BUD23: variants seen among roughly 807,000 people sequenced by gnomAD.
The protein encoded by BUD23 is BUD23 rRNA methyltransferase and ribosome maturation factor.
In BUD23, 34 loss-of-function variants were observed where a neutral mutation model predicts 47.0. That is an observed-to-expected ratio of 0.72 (90% CI 0.55 to 0.96). BUD23 has a LOEUF of 0.96. Ranked by LOEUF, BUD23 falls within the 40% of genes least tolerant of loss-of-function variation. The pLI is 0.00. For synonymous variants in BUD23, 124 were observed against 132.0 expected (o/e 0.94, Z 0.41); for missense variants, 343 against 361.2 (o/e 0.95, Z 0.41).
At position 73,684,923 on chromosome 7, in the gene BUD23, CAAAAAAAAAAAAAAA is replaced by C. The variant is rs56229090; in HGVS notation, c.86+1141_86+1155del. ...TGGGCGACAGAGCAAGACTTTGTTT[CAAAAAAAAAAAAAAA>C]AAAAAAAAAAAAAAAAAAAAAGATA... On this transcript the variant is annotated intron_variant, in intron 2 of 11. Coordinates refer to ENST00000265758, the MANE Select transcript of BUD23 (RefSeq NM_017528.5). Among the ~76,000 whole-genome samples, 94 of 49,136 alleles carry C rather than the reference CAAAAAAAAAAAAAAA, an allele frequency of 1.9e-3. 2 individuals are homozygous for C. Among genetic ancestry groups the C allele is most frequent in the South Asian group, 7.5e-3 (8 of 1,072 alleles). The allele number at this position is 49,136 out of a possible 152,430, so 32.2% of individuals were successfully genotyped here.
Position 73,683,754 on chromosome 7 carries a change from C to A in BUD23, c.49-13C>A, listed in dbSNP as rs1797818512. The A allele has an allele frequency of 2.5e-6, 4 of 1,614,230 alleles. No individual in the cohort carries two copies. On this transcript the variant is annotated splice_polypyrimidine_tract_variant and intron_variant, in intron 1 of 11. Coordinates refer to ENST00000265758, the MANE Select transcript of BUD23 (RefSeq NM_017528.5). ...GAATTATTCCTCTACATGCCATTTT[C>A]TCTTTTTCGCAGTTTTATGACGAGA...
At position 73,683,652 on chromosome 7, in the gene BUD23, G is replaced by T; in HGVS notation, c.27G>T (p.Glu9Asp). MASRGRRP[E>D]HGGPPELFYD... ...TGGCGTCCCGCGGCCGGCGTCCGGA[G>T]CATGGCGGACCCCCAGAGCTGGTAA... The change falls in exon 1 of 12, where the codon GAG becomes GAT. Residue 9 changes from glutamate (E) to aspartate (D), a missense_variant. Glu to Asp is a conservative substitution (Grantham distance 45). Transcript: ENST00000265758. 1.2e-6 allele frequency: 2 copies of T among 1,612,888 alleles called. No individual in the cohort carries two copies. The highest frequency in any genetic ancestry group is 2.2e-5 in the South Asian group (2 of 91,048).
rs1195540508 is a variant in BUD23, at chr7:73,692,608, C to T, written c.472C>T (p.Arg158Ter). 10 of 1,613,548 alleles carry T rather than the reference C, an allele frequency of 6.2e-6. No homozygotes were observed. The highest frequency in any genetic ancestry group is 2.2e-5 in the South Asian group (2 of 91,066). ...CTGTTTCTTTCAGGTCCGGGGATCC[C>T]GAGCTGTCCTGCAGCTGTACCCTGA... ...SLFSVLVRGS[R>*]AVLQLYPENS... The change falls in exon 7 of 12, where the codon CGA (arginine) becomes TGA (stop). Residue 158 changes from arginine to a stop codon, truncating the protein, a stop_gained. Coordinates refer to ENST00000265758, the MANE Select transcript of BUD23 (RefSeq NM_017528.5). LOFTEE classifies it high-confidence loss of function.
At chr7:73,685,498 C>T (rs1797929043) in intron 2 of BUD23, among the ~76,000 whole-genome samples, 2 of 152,178 alleles carry the variant, frequency 1.3e-5, no homozygotes, top group Non-Finnish European at 1.5e-5. Flanking sequence ...TCGCCCAGGC[C>T]GAAGTGCTGC....
At chr7:73,693,184 T>C in intron 7 of BUD23, 145 bp from the exon 8 acceptor site, 1 of 735,088 alleles carries the variant, frequency 1.4e-6, no homozygotes, top group Non-Finnish European at 2.4e-6. Flanking sequence ...AGCCTGTACT[T>C]TTCTCTACGT....
At position 73,697,340 on chromosome 7, in the gene BUD23, G is replaced by A. The variant is rs1368419129; in HGVS notation, c.702-265G>A. 9.6e-6 allele frequency: 11 copies of A among 1,143,082 alleles called. No homozygotes were observed. In the Admixed American group the frequency reaches 1.5e-4, roughly 16 times the overall value. 70.8% of individuals were successfully genotyped at this position (1,143,082 alleles called of 1,614,324 possible). On this transcript the variant is annotated intron_variant, in intron 10 of 11. Coordinates refer to ENST00000265758, the MANE Select transcript of BUD23 (RefSeq NM_017528.5). Reference sequence around the variant, plus strand: ...CTGCTTCCCGAAGAGGGAACAGACTGCTCGCTGGTGTTTAGGTCTCCATGC... The same window carrying A: ...CTGCTTCCCGAAGAGGGAACAGACTACTCGCTGGTGTTTAGGTCTCCATGC...
Position 73,683,681 on chromosome 7 carries a change from C to G in BUD23, c.48+8C>G. On this transcript the variant is annotated splice_region_variant and intron_variant, in intron 1 of 11. Coordinates refer to ENST00000265758, the MANE Select transcript of BUD23 (RefSeq NM_017528.5). ...GGCGGACCCCCAGAGCTGGTAAGTC[C>G]CGGGGCCCGCGGACACCCCTCTCCC... The G allele has an allele frequency of 6.2e-7, 1 of 1,613,770 alleles. No individual in the cohort carries two copies. The highest frequency in any genetic ancestry group is 1.3e-5 in the African/African-American group (1 of 75,074).
At chr7:73,687,948 T>A (rs1400940010) in intron 5 of BUD23, among the ~76,000 whole-genome samples, 3 of 150,370 alleles carry the variant, frequency 2.0e-5, no homozygotes, top group African/African-American at 4.9e-5. Flanking sequence ...CAGGCTGGAG[T>A]GCAGTGGCGG....
In BUD23 at chr7:73,693,674, G is replaced by A; in HGVS notation, c.642+5G>A. The A allele has an allele frequency of 6.2e-7, 1 of 1,614,174 alleles. No homozygotes were observed. The highest frequency in any genetic ancestry group is 8.5e-7 in the Non-Finnish European group (1 of 1,180,026). On this transcript the variant is annotated splice_donor_5th_base_variant and intron_variant, in intron 9 of 11. Transcript: ENST00000265758. ...CCTTCGACCTTTATACCAGAGGTGA[G>A]GGACACTGGGTTTGCAGGCAGGCCT...
At position 73,697,877 on chromosome 7, in the gene BUD23, C is replaced by G; in HGVS notation, c.837C>G (p.Pro279=). 1 of 1,613,864 alleles carries G rather than the reference C, an allele frequency of 6.2e-7. No homozygotes were observed. Among genetic ancestry groups the G allele is most frequent in the Admixed American group, 1.7e-5 (1 of 59,930 alleles). Residue 279 remains proline, a synonymous_variant, in exon 12 of 12, where the codon CCC becomes CCG. Transcript: ENST00000265758. The part of the protein sequence containing the change: ...DTQYTGRKRK[P]RF The stretch of plus-strand genomic sequence containing the variant: ...AGTACACCGGCCGCAAGCGCAAGCC[C>G]CGCTTCTAAGTCACCACGCGGTTCT...
chr7:73,694,294 C>T, intron 10 of BUD23: 1 of 452,120 alleles, frequency 2.2e-6, no homozygotes, highest in East Asian at 4.0e-5. Flanking sequence ...ATGCCCCTTC[C>T]CCTTGCCACG....
At position 73,694,036 on chromosome 7, in the gene BUD23, G is replaced by A. The variant is rs1554614514; in HGVS notation, c.687G>A (p.Val229=). ...NQDEVEPRES[V]FTNERFPLRM... ...ATGAAGTTGAACCCAGGGAGTCTGT[G>A]TTCACCAATGAGAGGTAAAGCAACT... Residue 229 remains valine, a synonymous_variant, in exon 10 of 12, where the codon GTG becomes GTA. Transcript: ENST00000265758. 3 of 1,610,214 alleles carry A rather than the reference G, an allele frequency of 1.9e-6. No individual in the cohort carries two copies. Among genetic ancestry groups the A allele is most frequent in the Non-Finnish European group, 2.5e-6 (3 of 1,179,024 alleles).
At chr7:73,692,941 C>T in intron 7 of BUD23, 1 of 546,404 alleles carries the variant, frequency 1.8e-6, no homozygotes. Context: ...AGGGCACCGA[C>T]AGTTCTCCGT....
At chr7:73,687,751 C>G (rs1003464839) in intron 5 of BUD23, among the ~76,000 whole-genome samples, 5 of 152,138 alleles carry the variant, frequency 3.3e-5, no homozygotes, top group African/African-American at 1.2e-4. Context: ...CAGACTCATG[C>G]AGATATTTAC....
chr7:73,694,526 C>T (rs1439230076), intron 10 of BUD23: 4 of 154,104 alleles, frequency 2.6e-5, no homozygotes, highest in Admixed American at 2.0e-4. Context: ...TGCTTCCCTT[C>T]ATAGCAGAAC....
Position 73,686,891 on chromosome 7 carries a change from G to A in BUD23, c.256G>A (p.Ala86Thr). 1 of 1,614,204 alleles carries A rather than the reference G, an allele frequency of 6.2e-7. No homozygotes were observed. Among genetic ancestry groups the A allele is most frequent in the Non-Finnish European group, 8.5e-7 (1 of 1,180,038 alleles). The change falls in exon 4 of 12, where the codon GCC becomes ACC. Residue 86 changes from alanine to threonine, a missense_variant. Physicochemically the swap from Ala to Thr is moderately conservative, Grantham distance 58. Coordinates refer to ENST00000265758, the MANE Select transcript of BUD23 (RefSeq NM_017528.5). ...HYWVGLDISP[A>T]MLDEAVDREI... ...TTGGGTGGGCCTGGATATCAGCCCT[G>A]CCATGCTGGGTAAGTATGTCCTGTC...
chr7:73,697,337 A>T, intron 10 of BUD23: 1 of 1,105,120 alleles, frequency 9.0e-7, no homozygotes, highest in Non-Finnish European at 1.3e-6. Flanking sequence ...GAGGGAACAG[A>T]CTGCTCGCTG....
chr7:73,692,764 C>T, intron 7 of BUD23, 118 bp downstream of exon 7: 2 of 985,928 alleles, frequency 2.0e-6, no homozygotes, highest in South Asian at 1.6e-5. Flanking sequence ...AACATGCACC[C>T]TAGTGTGGCC....
intron 7 of BUD23, chr7:73,693,021 C>T: frequency 1.8e-6 from 1 of 549,536 alleles, no homozygotes; most frequent in South Asian, 2.3e-5. Flanking sequence ...AGAGCTGTTC[C>T]TGACTAATAA....
Sources: allele counts gnomAD v4.1 joint callset (sites outside exome capture counted in the v4.1 genomes callset), GRCh38; gene constraint gnomAD v4.1.1; transcripts MANE v1.5; gene names NCBI Gene and HGNC (gene_info 2026-07-23, HGNC 2026-07-21).